The following NEK10 variants were observed in gnomAD, a reference collection of about 807,000 sequenced individuals.
NEK10 encodes the protein NIMA related kinase 10.
NEK10 carries 122 observed loss-of-function variants against 159.8 expected under a neutral mutation model. That is an observed-to-expected ratio of 0.76 (90% CI 0.66 to 0.89). NEK10 has a LOEUF of 0.89. Among genes scored for constraint, NEK10 ranks in the 40% least tolerant of loss-of-function variants. The probability of loss-of-function intolerance (pLI) is 0.00; values close to 1 mark genes in which losing one functional copy is unlikely to be tolerated. For missense variants in NEK10, 1,342 were observed against 1,323.1 expected, an observed-to-expected ratio of 1.01 and a Z score of -0.22; for synonymous variants, 466 against 457.1, an observed-to-expected ratio of 1.02 and a Z score of -0.25.
intron 33 of NEK10, among the ~76,000 whole-genome samples, chr3:27,116,652 CTATTAT>C (rs201485712): frequency 2.0e-5 from 3 of 151,734 alleles, no homozygotes; most frequent in African/African-American, 7.3e-5. Flanking sequence ...TTTATTATTA[CTATTAT>C]TATTATTATC....
At chr3:27,300,707 T>A (rs2043746126) in intron 13 of NEK10, among the ~76,000 whole-genome samples, 2 of 152,102 alleles carry the variant, frequency 1.3e-5, no homozygotes, top group South Asian at 4.1e-4. Flanking sequence ...ACCGTCAATC[T>A]CATCCACTCT....
At chr3:27,118,893 A>T (rs1361374668) in intron 33 of NEK10, among the ~76,000 whole-genome samples, 1 of 152,236 alleles carries the variant, frequency 6.6e-6, no homozygotes, top group Non-Finnish European at 1.5e-5. Flanking sequence ...TTCAGTCAGC[A>T]ACAAAAGCAC....
chr3:27,122,775 C>G (rs1165151210), intron 32 of NEK10, among the ~76,000 whole-genome samples: 4 of 151,976 alleles, frequency 2.6e-5, no homozygotes, highest in African/African-American at 9.7e-5. Flanking sequence ...ATATTTAAAG[C>G]CTCAAAAAAA....
Position 27,174,451 on chromosome 3 carries a change from C to G in NEK10, c.2764G>C (p.Glu922Gln). Residue 922 changes from glutamate to glutamine, a missense_variant, in exon 28 of 36, where the codon GAA becomes CAA. By Grantham distance (29) the Glu-to-Gln change is conservative (BLOSUM62 2). Transcript: ENST00000691995. ...ACAGAAAGCTTACTGAATGTAGATTCTTTCAGAGGGCTTGAACTGGAGCTG... is the reference window on the plus strand; with the variant it reads ...ACAGAAAGCTTACTGAATGTAGATTGTTTCAGAGGGCTTGAACTGGAGCTG... ...SSSSSSSPLK[E>Q]STFNILKRSF... The G allele has an allele frequency of 6.2e-7, 1 of 1,611,212 alleles. No individual in the cohort carries two copies. Among genetic ancestry groups the G allele is most frequent in the African/African-American group, 1.3e-5 (1 of 74,838 alleles).
chr3:27,242,506 G>A (rs927941557), intron 23 of NEK10, among the ~76,000 whole-genome samples: 1 of 152,116 alleles, frequency 6.6e-6, no homozygotes, highest in Non-Finnish European at 1.5e-5. Context: ...AAACAGGAAG[G>A]TGTAGATCCA....
intron 7 of NEK10, among the ~76,000 whole-genome samples, chr3:27,313,647 A>T (rs549086435): frequency 6.6e-6 from 1 of 152,138 alleles, no homozygotes; most frequent in Admixed American, 6.5e-5. Flanking sequence ...GCATATATAT[A>T]TACATATTTC....
chr3:27,114,565 A>T (rs945290276), intron 35 of NEK10, among the ~76,000 whole-genome samples: 8 of 152,316 alleles, frequency 5.3e-5, no homozygotes, highest in African/African-American at 1.7e-4. Context: ...GAAAAAGGAG[A>T]AGAAACACTG....
At chr3:27,343,226 A>G (rs1221488853) in intron 5 of NEK10, among the ~76,000 whole-genome samples, 1 of 152,152 alleles carries the variant, frequency 6.6e-6, no homozygotes, top group African/African-American at 2.4e-5. Context: ...TAAATACATA[A>G]TACTAAATGA....
At chr3:27,289,850 G>T (rs2042876523) in intron 19 of NEK10, among the ~76,000 whole-genome samples, 1 of 152,182 alleles carries the variant, frequency 6.6e-6, no homozygotes, top group African/African-American at 2.4e-5. Context: ...GTACACACTG[G>T]AGTAGAACTA....
chr3:27,224,472 T>A (rs187226126), intron 23 of NEK10, among the ~76,000 whole-genome samples: 1 of 152,232 alleles, frequency 6.6e-6, no homozygotes, highest in Non-Finnish European at 1.5e-5. Context: ...GGGCAAACTT[T>A]CATCAATGAG....
At chr3:27,162,907 A>C (rs1339221887) in intron 29 of NEK10, 169 bp from the exon 30 acceptor site, 3 of 406,476 alleles carry the variant, frequency 7.4e-6, no homozygotes, top group Non-Finnish European at 1.0e-5. Flanking sequence ...TGCAATAAAC[A>C]GTACAATTGA....
At chr3:27,345,848 C>T (rs182251306) in intron 4 of NEK10, among the ~76,000 whole-genome samples, 2 of 152,310 alleles carry the variant, frequency 1.3e-5, no homozygotes, top group Admixed American at 1.3e-4. Flanking sequence ...CAATGCCAAA[C>T]GCATGTCAGC....
intron 30 of NEK10, among the ~76,000 whole-genome samples, chr3:27,147,809 T>A (rs544620478): frequency 6.6e-6 from 1 of 152,222 alleles, no homozygotes; most frequent in African/African-American, 2.4e-5. Flanking sequence ...TATTGCCCTA[T>A]AGAAGTTCTA....
Position 27,277,714 on chromosome 3 carries a change from T to C in NEK10, c.2014+6888A>G, listed in dbSNP as rs528595720. On this transcript the variant is annotated intron_variant, in intron 22 of 35. Coordinates refer to ENST00000691995, the MANE Select transcript of NEK10 (RefSeq NM_001394966.1). The stretch of plus-strand genomic sequence containing the variant: ...AGTCACATTTTCCCCAGTGCTTATA[T>C]AGCTGTGATAGACTATATAACTATT... 2.0e-4 allele frequency among the ~76,000 whole-genome samples: 30 copies of C among 152,312 alleles called. 2 individuals carry two copies. In the South Asian group the frequency reaches 5.4e-3, roughly 27 times the overall value.
Position 27,115,636 on chromosome 3 carries a change from TA to T in NEK10, c.3299+303del, listed in dbSNP as rs569913426. On this transcript the variant is annotated intron_variant, in intron 35 of 35. Coordinates refer to ENST00000691995, the MANE Select transcript of NEK10 (RefSeq NM_001394966.1). ...ATGAGACAAACAAATATTTGATGTT[TA>T]AAAAACCAATCTAGAAATGCTTTTT... is the stretch of plus-strand genomic sequence containing the variant. Among the ~76,000 whole-genome samples, 58 of 152,310 alleles carry T rather than the reference TA, an allele frequency of 3.8e-4. 1 individual carries two copies. Among genetic ancestry groups the T allele is most frequent in the African/African-American group, 1.3e-3 (56 of 41,582 alleles).
At chr3:27,331,262 A>AAAAAAAAAAAACACACAC in intron 5 of NEK10, among the ~76,000 whole-genome samples, 1 of 110,082 alleles carries the variant, frequency 9.1e-6, no homozygotes, top group African/African-American at 2.9e-5. Context: ...AAAAAAAAAA[A>AAAAAAAAAAAACACACAC]ACACACAAAC....
chr3:27,264,713 GA>G (rs2040733684), intron 22 of NEK10, among the ~76,000 whole-genome samples: 3 of 152,028 alleles, frequency 2.0e-5, no homozygotes, highest in African/African-American at 7.2e-5. Flanking sequence ...CCAACATGGG[GA>G]TATCCCATCT....
chr3:27,256,377 A>T lies in NEK10; in HGVS notation c.2015-6T>A, dbSNP rs778918791. On this transcript the variant is annotated splice_region_variant and splice_polypyrimidine_tract_variant and intron_variant, in intron 22 of 35. Transcript: ENST00000691995. The stretch of plus-strand genomic sequence containing the variant: ...CTTTGCCAGGCCAAAGTCAGCTACA[A>T]TTCACAAAACAACGCAATATGTTAC... The T allele has an allele frequency of 5.8e-5, 90 of 1,561,308 alleles. No individual in the cohort carries two copies. Among genetic ancestry groups the T allele is most frequent in the Non-Finnish European group, 3.5e-6 (4 of 1,155,980 alleles).
intron 22 of NEK10, among the ~76,000 whole-genome samples, chr3:27,281,068 A>C (rs1418062468): frequency 6.6e-6 from 1 of 151,974 alleles, no homozygotes; most frequent in African/African-American, 2.4e-5. Flanking sequence ...ACACAAAATA[A>C]GACAAAAATT....
Sources: allele counts gnomAD v4.1 joint callset (sites outside exome capture counted in the v4.1 genomes callset), GRCh38; gene constraint gnomAD v4.1.1; transcripts MANE v1.5; gene names NCBI Gene and HGNC (gene_info 2026-07-23, HGNC 2026-07-21).